The following COLQ variants were observed in gnomAD, a reference collection of about 807,000 sequenced individuals.
COLQ encodes collagen like tail subunit of asymmetric acetylcholinesterase.
In COLQ, 48 loss-of-function variants were observed where a neutral mutation model predicts 69.0. That is an observed-to-expected ratio of 0.70 (90% CI 0.55 to 0.88). The LOEUF is 0.88. Ranked by LOEUF, COLQ falls within the 40% of genes least tolerant of loss-of-function variation. COLQ has a pLI of 0.00. For missense variants in COLQ, 618 were observed against 594.6 expected (o/e 1.04, Z -0.41); for synonymous variants, 217 against 211.2 (o/e 1.03, Z -0.24).
intron 5 of COLQ, chr3:15,478,683 A>G: frequency 3.7e-6 from 2 of 546,924 alleles, no homozygotes; most frequent in Non-Finnish European, 3.3e-6. Context: ...TGGGTAGCAG[A>G]GTGAGATGGT....
chr3:15,464,614 C>T (rs1274687879), intron 12 of COLQ, among the ~76,000 whole-genome samples: 1 of 152,130 alleles, frequency 6.6e-6, no homozygotes, highest in Non-Finnish European at 1.5e-5. Context: ...CTTGCCCATC[C>T]CATGATGTGG....
chr3:15,467,823 T>G (rs202088257), intron 11 of COLQ: 1 of 456,004 alleles, frequency 2.2e-6, no homozygotes. Flanking sequence ...GGGACTCCTT[T>G]CCAGCCACAA....
intron 11 of COLQ, among the ~76,000 whole-genome samples, chr3:15,466,798 T>C (rs1329667169): frequency 6.6e-6 from 1 of 152,244 alleles, no homozygotes; most frequent in Non-Finnish European, 1.5e-5. Context: ...AGCTCTTTAC[T>C]GCAGCCTGCG....
At chr3:15,505,080 GA>G (rs2062889232) in intron 1 of COLQ, among the ~76,000 whole-genome samples, 2 of 152,302 alleles carry the variant, frequency 1.3e-5, no homozygotes, top group Admixed American at 1.3e-4. Context: ...AGTCAACAGA[GA>G]ACCAGAAGAT....
At chr3:15,505,363 G>A (rs9830071) in intron 1 of COLQ, among the ~76,000 whole-genome samples, 61,357 of 151,804 alleles carry the variant, frequency 0.4, 13,226 homozygotes, top group East Asian at 0.62. Context: ...GTCATCTCGT[G>A]TCGGTCATTA....
intron 1 of COLQ, among the ~76,000 whole-genome samples, chr3:15,509,901 G>A (rs1365109928): frequency 3.3e-5 from 5 of 152,158 alleles, no homozygotes; most frequent in African/African-American, 9.7e-5. Context: ...GGCTGGGCGC[G>A]GTGGCTCACG....
intron 1 of COLQ, among the ~76,000 whole-genome samples, chr3:15,489,859 G>A (rs976385751): frequency 6.6e-6 from 1 of 152,218 alleles, no homozygotes; most frequent in Non-Finnish European, 1.5e-5. Context: ...CAGATGACTT[G>A]TCTGGACACT....
At chr3:15,521,419 A>G in intron 1 of COLQ, 101 bp downstream of exon 1, 1 of 1,490,872 alleles carries the variant, frequency 6.7e-7, no homozygotes, top group Non-Finnish European at 9.1e-7. Flanking sequence ...CTCCACCAAC[A>G]GTTGAATGGC....
chr3:15,466,456 G>T lies in COLQ; in HGVS notation c.718-19C>A. ...TCTGTCCCTGACAGAGAGAAAGGCAGAGCCTGTTATGAAAGCATGACATAG... is the reference window on the plus strand; with the variant it reads ...TCTGTCCCTGACAGAGAGAAAGGCATAGCCTGTTATGAAAGCATGACATAG... On this transcript the variant is annotated intron_variant, in intron 11 of 16. Transcript: ENST00000383788. 6.2e-7 allele frequency: 1 copy of T among 1,603,104 alleles called. No individual in the cohort carries two copies. The highest frequency in any genetic ancestry group is 8.5e-7 in the Non-Finnish European group (1 of 1,170,076).
chr3:15,454,359 G>A (rs2061995265), intron 15 of COLQ, among the ~76,000 whole-genome samples: 1 of 152,184 alleles, frequency 6.6e-6, no homozygotes, highest in South Asian at 2.1e-4. Context: ...CCAGCCTTGT[G>A]TCCCTGGGGA....
intron 1 of COLQ, chr3:15,499,022 C>T: frequency 5.8e-6 from 6 of 1,026,840 alleles, no homozygotes; most frequent in Non-Finnish European, 7.1e-6. Flanking sequence ...CAAAGTCAAC[C>T]CCCCACCGAG....
At chr3:15,475,111 G>C in intron 7 of COLQ, 160 bp from the exon 8 acceptor site, 1 of 819,278 alleles carries the variant, frequency 1.2e-6, no homozygotes, top group Non-Finnish European at 2.1e-6. Flanking sequence ...ATGTCCCAGA[G>C]GGTTGTGGTT....
chr3:15,458,147 C>T, intron 13 of COLQ, 39 bp downstream of exon 13: 1 of 1,611,674 alleles, frequency 6.2e-7, no homozygotes, highest in African/African-American at 1.3e-5. Context: ...GAGAGGTCCT[C>T]ACGGATAACC....
chr3:15,518,762 GT>G (rs1223763070), intron 1 of COLQ, among the ~76,000 whole-genome samples: 3 of 152,168 alleles, frequency 2.0e-5, no homozygotes, highest in Admixed American at 6.5e-5. Flanking sequence ...CGCCACCTGT[GT>G]TTCAAAAGCA....
chr3:15,474,080 AC>A (rs769878559), intron 9 of COLQ, 45 bp from the exon 10 acceptor site: 51 of 1,612,984 alleles, frequency 3.2e-5, no homozygotes, highest in Non-Finnish European at 4.1e-5. Flanking sequence ...CTGAAATAAC[AC>A]CTGAAATGGC....
At chr3:15,474,068 C>T in intron 9 of COLQ, 33 bp from the exon 10 acceptor site, 1 of 1,614,012 alleles carries the variant, frequency 6.2e-7, no homozygotes, top group Non-Finnish European at 8.5e-7. Flanking sequence ...TTGTGATCAC[C>T]TCTGAAATAA....
At position 15,458,198 on chromosome 3, in the gene COLQ, C is replaced by G. The variant is rs771944316; in HGVS notation, c.942G>C (p.Pro314=). 6.2e-7 allele frequency: 1 copy of G among 1,613,648 alleles called. No homozygotes were observed. The highest frequency in any genetic ancestry group is 1.7e-5 in the Admixed American group (1 of 59,996). ...YGESVYGPSS[P]RVPVIFVVNN... is the part of the protein sequence containing the mutation. Reference sequence around the variant, plus strand: ...CAGAAAGCCTTACCACAGGAACTCGCGGGGAACTGGGCCCATACACAGATT... The same window carrying G: ...CAGAAAGCCTTACCACAGGAACTCGGGGGGAACTGGGCCCATACACAGATT... The change falls in exon 13 of 17, where the codon CCG becomes CCC. Residue 314 remains proline, a synonymous_variant. Transcript: ENST00000383788.
intron 1 of COLQ, among the ~76,000 whole-genome samples, chr3:15,504,871 C>A (rs1043199767): frequency 6.6e-6 from 1 of 152,044 alleles, no homozygotes; most frequent in Non-Finnish European, 1.5e-5. Flanking sequence ...AAAAACAAAA[C>A]CAAAACCAAA....
intron 1 of COLQ, among the ~76,000 whole-genome samples, chr3:15,494,833 G>T (rs2062722781): frequency 6.6e-6 from 1 of 152,128 alleles, no homozygotes. Context: ...CACTGTATCT[G>T]GCATATGCTA....
Sources: gnomAD v4.1 joint callset for allele counts (sites outside exome capture counted in the v4.1 genomes callset) on GRCh38, gnomAD v4.1.1 for gene constraint, MANE v1.5 for transcripts, NCBI Gene and HGNC (gene_info 2026-07-23, HGNC 2026-07-21) for gene names.